Variants in IRF4 observed in about 807,000 individuals in gnomAD.
IRF4 encodes interferon regulatory factor 4, also known as lymphocyte-specific interferon regulatory factor.
A neutral mutation model predicts 55.5 loss-of-function variants in IRF4; 13 were observed. The ratio of observed to expected loss-of-function variants is 0.23; its 90% confidence interval spans 0.15 to 0.37. The LOEUF is 0.37. Among genes scored for constraint, IRF4 ranks in the 10% least tolerant of loss-of-function variants. IRF4 has a pLI of 1.00. For missense variants in IRF4, 397 were observed against 593.8 expected, an observed-to-expected ratio of 0.67 and a Z score of 3.44; for synonymous variants, 249 against 240.7, an observed-to-expected ratio of 1.03 and a Z score of -0.32.
chr6:402,027 C>T (rs901665504), intron 7 of IRF4, among the ~76,000 whole-genome samples: 7 of 152,192 alleles, frequency 4.6e-5, no homozygotes, highest in Non-Finnish European at 8.8e-5. Context: ...TTTCAGCAGT[C>T]GCCTCTTAAA....
chr6:398,398 C>T (rs536524723), intron 5 of IRF4, among the ~76,000 whole-genome samples: 1 of 152,292 alleles, frequency 6.6e-6, no homozygotes, highest in African/African-American at 2.4e-5. Context: ...TCTCCCAACC[C>T]ACAAGAGACA....
chr6:396,464 C>T (rs1011405511), intron 4 of IRF4, among the ~76,000 whole-genome samples: 2 of 152,234 alleles, frequency 1.3e-5, no homozygotes, highest in Admixed American at 6.5e-5. Context: ...CCAGTCTTTT[C>T]GGATGATAAA....
rs562423519 is a variant in IRF4 at position 400,835 on chromosome 6, G to T, written c.746-589G>T. ...ACACACATTTGCTTTTTACCTAAAT[G>T]ATGTCATGTTATTATTTTGGGGACG... On this transcript the variant is annotated intron_variant, in intron 6 of 8. Coordinates refer to ENST00000380956, the MANE Select transcript of IRF4 (RefSeq NM_002460.4). Among the ~76,000 whole-genome samples the T allele has an allele frequency of 8.0e-4, 121 of 151,894 alleles. 1 individual carries two copies. Among genetic ancestry groups the T allele is most frequent in the African/African-American group, 2.8e-3 (117 of 41,396 alleles).
In IRF4 at chr6:408,079, C is replaced by T. The variant is rs1050976; in HGVS notation, c.*481C>T. The T allele has an allele frequency of 0.41, 99,860 of 243,320 alleles. 23,837 individuals carry two copies. The highest frequency in any genetic ancestry group is 0.51 in the Non-Finnish European group (63,834 of 125,178). The allele number at this position is 243,320 out of a possible 1,614,324, so 15.1% of individuals were successfully genotyped here. On this transcript the variant is annotated 3_prime_UTR_variant, in exon 9 of 9. Transcript: ENST00000380956. ...TGATGTGTTTACATTTACTGAAATG[C>T]GCTCTTTAATTTGTTGTAGATTAGG...
chr6:401,398 C>A, intron 6 of IRF4, 26 bp from the exon 7 acceptor site: 1 of 1,582,454 alleles, frequency 6.3e-7, no homozygotes. Flanking sequence ...GCCCCCAGCA[C>A]TGACTCCGGA....
At position 397,132 on chromosome 6, in the gene IRF4, C is replaced by A; in HGVS notation, c.517C>A (p.Pro173Thr). Residue 173 changes from proline to threonine, a missense_variant, in exon 5 of 9, where the codon CCC becomes ACC. By Grantham distance (38) the Pro-to-Thr change is conservative (BLOSUM62 -1). This residue lies in a region of IRF4 where 341 missense variants were observed against 548.1 expected (regional missense o/e 0.62). Coordinates refer to ENST00000380956, the MANE Select transcript of IRF4 (RefSeq NM_002460.4). ...GCAGGTTCACAACTACATGATGCCA[C>A]CCCTCGACCGAAGCTGGAGGGACTA... is the stretch of plus-strand genomic sequence containing the variant. ...AQQVHNYMMP[P>T]LDRSWRDYVP... The A allele has an allele frequency of 6.2e-7, 1 of 1,614,254 alleles. No homozygotes were observed. Among genetic ancestry groups the A allele is most frequent in the Non-Finnish European group, 8.5e-7 (1 of 1,180,048 alleles).
In IRF4 at chr6:393,572, C is replaced by G. The variant is rs1761178416; in HGVS notation, c.216+204C>G. Among the ~76,000 whole-genome samples, 1 of 152,062 alleles carries G rather than the reference C, an allele frequency of 6.6e-6. No individual in the cohort carries two copies. Among genetic ancestry groups the G allele is most frequent in the African/African-American group, 2.4e-5 (1 of 41,412 alleles). On this transcript the variant is annotated intron_variant, in intron 2 of 8. Transcript: ENST00000380956. This position sits in a 1 kb window ranked among gnomAD's most constrained non-coding sequence, Gnocchi z 5.4. The stretch of plus-strand genomic sequence containing the variant: ...CAGCGGGACCGCGGGGGCCGGGAGC[C>G]GGGTCCTGGGCGCGTGGAGGCTGCA...
chr6:402,542 G>A (rs1164275362), intron 7 of IRF4, among the ~76,000 whole-genome samples: 1 of 152,166 alleles, frequency 6.6e-6, no homozygotes, highest in Non-Finnish European at 1.5e-5. Context: ...AGAAACTCCT[G>A]TGTCTTTGAT....
In IRF4 at chr6:410,736, C is replaced by T; in HGVS notation, c.*3138C>T. 1 of 231,796 alleles carries T rather than the reference C, an allele frequency of 4.3e-6. No individual in the cohort carries two copies. Among genetic ancestry groups the T allele is most frequent in the African/African-American group, 2.2e-5 (1 of 45,380 alleles). 14.4% of individuals were successfully genotyped at this position (231,796 alleles called of 1,614,324 possible). On this transcript the variant is annotated 3_prime_UTR_variant, in exon 9 of 9. Transcript: ENST00000380956. ...AGTGTAAACTTCCGTTCATTGCTCT[C>T]CAGTCACATGCCCCCACTTCCCCAC...
At position 398,782 on chromosome 6, in the gene IRF4, C is replaced by G. The variant is rs776436304; in HGVS notation, c.638-46C>G. ...CACCCCAGGAAGCCCCGCGGTGCGT[C>G]GGACTCTCTGTCTAGACATCATCTG... is the stretch of plus-strand genomic sequence containing the variant. On this transcript the variant is annotated intron_variant, in intron 5 of 8. Coordinates refer to ENST00000380956, the MANE Select transcript of IRF4 (RefSeq NM_002460.4). 3 of 1,445,344 alleles carry G rather than the reference C, an allele frequency of 2.1e-6. No homozygotes were observed. The Admixed American group carries it at 5.2e-5, about 25-fold the overall frequency. 89.5% of individuals were successfully genotyped at this position (1,445,344 alleles called of 1,614,324 possible). A position where few individuals can be genotyped will look rare whatever the true frequency, so the allele number is the denominator to read the frequency against.
At position 394,802 on chromosome 6, in the gene IRF4, C is replaced by T. The variant is rs745622741; in HGVS notation, c.217-19C>T. On this transcript the variant is annotated intron_variant, in intron 2 of 8. Coordinates refer to ENST00000380956, the MANE Select transcript of IRF4 (RefSeq NM_002460.4). The stretch of plus-strand genomic sequence containing the variant: ...GACATGTATTTTGACTTTTCGTTCT[C>T]TTCATTCTTTCCCACCAGGCTTGGG... 1.9e-6 allele frequency: 3 copies of T among 1,604,924 alleles called. No individual in the cohort carries two copies. The highest frequency in any genetic ancestry group is 3.5e-5 in the Admixed American group (2 of 57,656).
At position 393,501 on chromosome 6, in the gene IRF4, G is replaced by A. The variant is rs192956478; in HGVS notation, c.216+133G>A. ...GACGGGCGGGCGGCGGAGGCATCAG[G>A]TGGCGTCGCCGGAGCCGCAGGAGGA... On this transcript the variant is annotated intron_variant, in intron 2 of 8. Coordinates refer to ENST00000380956, the MANE Select transcript of IRF4 (RefSeq NM_002460.4). The surrounding 1 kb of genome is among the most constrained non-coding windows in gnomAD (Gnocchi z 5.4). 1.2e-3 allele frequency: 706 copies of A among 586,444 alleles called. 12 individuals are homozygous for A. The African/African-American group carries it at 0.013, about 11-fold the overall frequency. 36.3% of individuals were successfully genotyped at this position (586,444 alleles called of 1,614,324 possible).
In IRF4 at chr6:393,311, C is replaced by T. The variant is rs1386084590; in HGVS notation, c.159C>T (p.Pro53=). 4 of 1,608,558 alleles carry T rather than the reference C, an allele frequency of 2.5e-6. No individual in the cohort carries two copies. Among genetic ancestry groups the T allele is most frequent in the African/African-American group, 1.3e-5 (1 of 74,950 alleles). ...ENEEKSIFRI[P]WKHAGKQDYN... ...AGGAGAAGAGCATCTTCCGCATCCC[C>T]TGGAAGCACGCGGGCAAGCAGGACT... is the stretch of plus-strand genomic sequence containing the variant. The change falls in exon 2 of 9, where the codon CCC becomes CCT. Residue 53 remains proline (P), a synonymous_variant. Transcript: ENST00000380956. This position sits in a 1 kb window ranked among gnomAD's most constrained non-coding sequence, Gnocchi z 5.4.
Position 401,536 on chromosome 6 carries a change from C to T in IRF4, c.858C>T (p.Asn286=), listed in dbSNP as rs1468790184. ...ATGGACATACGTATGACGCCAGCAA[C>T]CTGGACCAGGTCCTGTTCCCCTACC... is the stretch of plus-strand genomic sequence containing the variant. ...ISHGHTYDAS[N]LDQVLFPYPE... The change falls in exon 7 of 9, where the codon AAC becomes AAT. Residue 286 remains asparagine (N), a synonymous_variant. Transcript: ENST00000380956. The T allele has an allele frequency of 6.2e-7, 1 of 1,614,080 alleles. No homozygotes were observed. The highest frequency in any genetic ancestry group is 8.5e-7 in the Non-Finnish European group (1 of 1,180,030).
At position 407,830 on chromosome 6, in the gene IRF4, T is replaced by G. The variant is rs905377843; in HGVS notation, c.*232T>G. On this transcript the variant is annotated 3_prime_UTR_variant, in exon 9 of 9. Transcript: ENST00000380956. ...AGACAAGTGATTTTCATTGTAAATA[T>G]TTGACTTTAGTGAAAGCGTCCAATT... 1.9e-5 allele frequency: 9 copies of G among 485,162 alleles called. No individual in the cohort carries two copies. The highest frequency in any genetic ancestry group is 1.1e-5 in the Non-Finnish European group (3 of 279,008). The allele number at this position is 485,162 out of a possible 1,614,324, so 30.1% of individuals were successfully genotyped here. A position where few individuals can be genotyped will look rare whatever the true frequency, so the allele number is the denominator to read the frequency against.
chr6:411,085 G>A lies in IRF4; in HGVS notation c.*3487G>A, dbSNP rs1484369504. ...GGGGACGTGAGAGAAGGGCCAGGCC[G>A]GCAGGCCAACCCTCCTCCAATGGAA... On this transcript the variant is annotated 3_prime_UTR_variant, in exon 9 of 9. Coordinates refer to ENST00000380956, the MANE Select transcript of IRF4 (RefSeq NM_002460.4). The A allele has an allele frequency of 1.3e-4, 30 of 233,150 alleles. No individual in the cohort carries two copies. Among genetic ancestry groups the A allele is most frequent in the African/African-American group, 2.2e-5 (1 of 45,296 alleles). The allele number at this position is 233,150 out of a possible 1,614,324, so 14.4% of individuals were successfully genotyped here.
intron 7 of IRF4, among the ~76,000 whole-genome samples, chr6:402,996 G>A (rs571499601): frequency 2.0e-5 from 3 of 152,330 alleles, no homozygotes; most frequent in South Asian, 4.1e-4. Flanking sequence ...ATCGCACCAC[G>A]GTGCTGCAGT....
intron 4 of IRF4, among the ~76,000 whole-genome samples, chr6:396,852 G>A (rs1189442695): frequency 1.0e-5 from 1 of 98,774 alleles, no homozygotes; most frequent in African/African-American, 4.8e-5. Context: ...CTTTACCCCC[G>A]TCTCAATGCC....
In IRF4 at chr6:393,266, C is replaced by T; in HGVS notation, c.114C>T (p.Pro38=). The T allele has an allele frequency of 1.3e-6, 2 of 1,597,464 alleles. No individual in the cohort carries two copies. Among genetic ancestry groups the T allele is most frequent in the Admixed American group, 1.7e-5 (1 of 57,956 alleles). ...LIDQIDSGKY[P]GLVWENEEKS... The stretch of plus-strand genomic sequence containing the variant: ...ACCAGATCGACAGCGGCAAGTACCC[C>T]GGGCTGGTGTGGGAGAACGAGGAGA... Residue 38 remains proline, a synonymous_variant, in exon 2 of 9, where the codon CCC becomes CCT. Transcript: ENST00000380956. This position sits in a 1 kb window ranked among gnomAD's most constrained non-coding sequence, Gnocchi z 5.4.
Sources: allele counts gnomAD v4.1 joint callset (sites outside exome capture counted in the v4.1 genomes callset), GRCh38; gene constraint gnomAD v4.1.1; regional missense constraint gnomAD v4.1.1; non-coding constraint Gnocchi (gnomAD v3.1); transcripts MANE v1.5; gene names NCBI Gene and HGNC (gene_info 2026-07-23, HGNC 2026-07-21).